Variants in ABLIM1 observed in about 807,000 individuals in gnomAD.
ABLIM1 encodes the protein actin binding LIM protein 1.
In ABLIM1, 40 loss-of-function variants were observed where a neutral mutation model predicts 107.0. That is an observed-to-expected ratio of 0.37 (90% CI 0.29 to 0.49). ABLIM1 has a LOEUF of 0.49. ABLIM1 is among the 20% of genes least tolerant of loss of function. The pLI is 0.97. For synonymous variants in ABLIM1, 357 were observed against 357.3 expected, an observed-to-expected ratio of 1.00 and a Z score of 0.01; for missense variants, 857 against 1,008.5, an observed-to-expected ratio of 0.85 and a Z score of 2.04.
chr10:114,586,155 A>G (rs1003582941), intron 2 of ABLIM1, among the ~76,000 whole-genome samples: 1 of 152,168 alleles, frequency 6.6e-6, no homozygotes, highest in Non-Finnish European at 1.5e-5. Context: ...TAGTGGTGCC[A>G]AGGTAGAAAC....
chr10:114,550,538 T>C (rs1289556514), intron 4 of ABLIM1, among the ~76,000 whole-genome samples: 1 of 152,122 alleles, frequency 6.6e-6, no homozygotes, highest in Non-Finnish European at 1.5e-5. Context: ...TTATAATTGA[T>C]GAACTGACAC....
intron 1 of ABLIM1, among the ~76,000 whole-genome samples, chr10:114,754,560 A>G (rs112236675): frequency 0.016 from 2,510 of 152,308 alleles, 31 homozygotes; most frequent in Admixed American, 0.022. Flanking sequence ...ACAGAGTCCA[A>G]TGACCAAGTT....
At chr10:114,644,341 T>TATATATGTATATATACAATA (rs2078917066) in intron 1 of ABLIM1, among the ~76,000 whole-genome samples, 1 of 127,518 alleles carries the variant, frequency 7.8e-6, no homozygotes, top group African/African-American at 3.2e-5. Flanking sequence ...GTGTATATAT[T>TATATATGTATATATACAATA]GTATATATAC....
chr10:114,604,339 G>A (rs879364670), intron 1 of ABLIM1, among the ~76,000 whole-genome samples: 1 of 152,176 alleles, frequency 6.6e-6, no homozygotes, highest in African/African-American at 2.4e-5. Flanking sequence ...ATTTTTATAA[G>A]TATTATCATT....
At chr10:114,781,511 G>C in the ABLIM1 span, among the ~76,000 whole-genome samples, 2 of 144,614 alleles carry the variant, frequency 1.4e-5, no homozygotes, top group Non-Finnish European at 3.0e-5. Context: ...CTCAAAAAAA[G>C]AAAAAAAAAG....
intron 1 of ABLIM1, among the ~76,000 whole-genome samples, chr10:114,755,555 A>T (rs182057281): frequency 1.2e-4 from 19 of 152,330 alleles, no homozygotes; most frequent in Admixed American, 7.8e-4. Flanking sequence ...AAATAATAAG[A>T]AAAGCTCTAC....
At chr10:114,548,779 A>G (rs1272324235) in intron 4 of ABLIM1, among the ~76,000 whole-genome samples, 2 of 152,234 alleles carry the variant, frequency 1.3e-5, no homozygotes, top group Non-Finnish European at 2.9e-5. Flanking sequence ...GAAAGCAAGC[A>G]CGTGTCAAGT....
At chr10:114,547,451 A>G in intron 5 of ABLIM1, 199 bp downstream of exon 5, 1 of 626,038 alleles carries the variant, frequency 1.6e-6, no homozygotes, top group Admixed American at 3.3e-5. Context: ...AATGATTAAC[A>G]TATCATTAGG....
Position 114,571,393 on chromosome 10 carries a change from G to C in ABLIM1, c.577C>G (p.Pro193Ala). The C allele has an allele frequency of 6.2e-7, 1 of 1,614,202 alleles. No homozygotes were observed. The highest frequency in any genetic ancestry group is 8.5e-7 in the Non-Finnish European group (1 of 1,180,038). Residue 193 changes from proline (P) to alanine (A), a missense_variant, in exon 4 of 23, where the codon CCC becomes GCC. By Grantham distance (27) the Pro-to-Ala change is conservative (BLOSUM62 -1). Coordinates refer to ENST00000533213, the MANE Select transcript of ABLIM1 (RefSeq NM_002313.7). ...CCATTGAATGTGACTCGGTCTCCGG[G>C]TGGAAACGGGCGCCTGGAGGCAGAA... ...ACTICKRPFP[P>A]GDRVTFNGRD... is the part of the protein sequence containing the mutation.
intron 5 of ABLIM1, chr10:114,547,344 C>T (rs2067487941): frequency 1.4e-5 from 4 of 290,882 alleles, no homozygotes; most frequent in Non-Finnish European, 2.6e-5. Context: ...ACTAGTTCCT[C>T]ATAGGAGAAT....
At chr10:114,529,952 G>A (rs368885455) in intron 6 of ABLIM1, among the ~76,000 whole-genome samples, 23 of 152,282 alleles carry the variant, frequency 1.5e-4, no homozygotes, top group African/African-American at 5.1e-4. Flanking sequence ...CCTTGAACCC[G>A]GGAGGCAGAG....
At chr10:114,602,026 G>A in intron 1 of ABLIM1, 65 bp from the exon 2 acceptor site, 1 of 1,596,204 alleles carries the variant, frequency 6.3e-7, no homozygotes, top group Admixed American at 1.7e-5. Context: ...GGTCATCATG[G>A]TATCTCTGTA....
At chr10:114,628,889 ATAG>A (rs1482042112) in intron 1 of ABLIM1, among the ~76,000 whole-genome samples, 1 of 152,312 alleles carries the variant, frequency 6.6e-6, no homozygotes, top group South Asian at 2.1e-4. Flanking sequence ...TTAAATGAGT[ATAG>A]TGGGCCTCTG....
At chr10:114,513,247 A>G in intron 6 of ABLIM1, among the ~76,000 whole-genome samples, 1 of 142,388 alleles carries the variant, frequency 7.0e-6, no homozygotes, top group East Asian at 1.9e-4. Flanking sequence ...TTAGAAAGAA[A>G]TGTGATGAAT....
At chr10:114,753,224 C>T (rs2082556548) in intron 1 of ABLIM1, among the ~76,000 whole-genome samples, 1 of 152,136 alleles carries the variant, frequency 6.6e-6, no homozygotes. Flanking sequence ...AAGGCAGAGA[C>T]TACTTGGGAG....
chr10:114,623,755 G>C (rs1371454998), intron 1 of ABLIM1, among the ~76,000 whole-genome samples: 1 of 152,190 alleles, frequency 6.6e-6, no homozygotes, highest in Non-Finnish European at 1.5e-5. Flanking sequence ...AGATGATTCT[G>C]ATCCCAGTTG....
chr10:114,730,419 A>G (rs1236819425), intron 1 of ABLIM1, among the ~76,000 whole-genome samples: 4 of 149,188 alleles, frequency 2.7e-5, no homozygotes, highest in Admixed American at 6.7e-5. Flanking sequence ...AAAAAAAAAA[A>G]GAATTCCACG....
At chr10:114,571,907 T>C (rs2071738152) in intron 3 of ABLIM1, among the ~76,000 whole-genome samples, 1 of 152,186 alleles carries the variant, frequency 6.6e-6, no homozygotes, top group Admixed American at 6.5e-5. Context: ...GACACCTACA[T>C]GGGTGAACGG....
chr10:114,601,049 TACACACACACACACACACACAC>T (rs59709817), intron 2 of ABLIM1, among the ~76,000 whole-genome samples: 3,414 of 128,530 alleles, frequency 0.027, 70 homozygotes, highest in South Asian at 0.056. Context: ...CACATCTCAA[TACACACACACACACACACACAC>T]ACACACACAC....
Sources: gnomAD v4.1 joint callset for allele counts (sites outside exome capture counted in the v4.1 genomes callset) on GRCh38, gnomAD v4.1.1 for gene constraint, MANE v1.5 for transcripts, NCBI Gene and HGNC (gene_info 2026-07-23, HGNC 2026-07-21) for gene names.